Variants in NFIB observed in about 807,000 individuals in gnomAD.
NFIB encodes nuclear factor I B.
Under a neutral mutation model 61.5 loss-of-function variants are expected in NFIB, and 11 were observed. The ratio of observed to expected loss-of-function variants is 0.18; its 90% CI spans 0.11 to 0.30. The LOEUF (loss-of-function observed/expected upper bound fraction) is 0.30, where lower values mean the gene tolerates loss of function less well. Among genes scored for constraint, NFIB ranks in the 10% least tolerant of loss-of-function variants. The pLI, the probability that NFIB is intolerant of heterozygous loss-of-function variation, is 1.00. For synonymous variants in NFIB, 260 were observed against 216.5 expected, an observed-to-expected ratio of 1.20 and a Z score of -1.76; for missense variants, 471 against 608.9, an observed-to-expected ratio of 0.77 and a Z score of 2.38.
At chr9:14,513,406 G>A in the NFIB span, among the ~76,000 whole-genome samples, 1 of 151,932 alleles carries the variant, frequency 6.6e-6, no homozygotes, top group Non-Finnish European at 1.5e-5. Flanking sequence ...GAGGCGGGCA[G>A]ATCACTAGGT....
At chr9:14,194,574 A>G (rs1273707100) in intron 2 of NFIB, among the ~76,000 whole-genome samples, 3 of 152,214 alleles carry the variant, frequency 2.0e-5, no homozygotes, top group Non-Finnish European at 2.9e-5. Flanking sequence ...AAAAGACAAT[A>G]AGAAGAAATA....
chr9:14,261,880 G>T (rs1392513824), intron 2 of NFIB, among the ~76,000 whole-genome samples: 1 of 152,166 alleles, frequency 6.6e-6, no homozygotes, highest in African/African-American at 2.4e-5. Flanking sequence ...TTATTCTTTG[G>T]TGCATCCGAA....
In NFIB at chr9:14,322,051, T is replaced by G; in HGVS notation, c.109-14531A>C. The G allele has an allele frequency of 4.1e-6, 5 of 1,215,154 alleles. No homozygotes were observed. In the East Asian group the frequency reaches 1.3e-4, roughly 32 times the overall value. 75.3% of individuals were successfully genotyped at this position (1,215,154 alleles called of 1,614,324 possible). A position where few individuals can be genotyped will look rare whatever the true frequency, so the allele number is the denominator to read the frequency against. On this transcript the variant is annotated intron_variant, in intron 1 of 8. Transcript: ENST00000380934. Reference sequence around the variant, plus strand: ...ATTTGTGGATTTTCTCAGGGGTTGTTTTGGTGTCGCTTTTTGTGTTTAGTT... The same window carrying G: ...ATTTGTGGATTTTCTCAGGGGTTGTGTTGGTGTCGCTTTTTGTGTTTAGTT...
Position 14,116,230 on chromosome 9 carries a change from T to A in NFIB, c.1362A>T (p.Lys454Asn). 6.5e-7 allele frequency: 1 copy of A among 1,531,304 alleles called. No individual in the cohort carries two copies. The highest frequency in any genetic ancestry group is 1.2e-5 in the South Asian group (1 of 80,872). 94.9% of individuals were successfully genotyped at this position (1,531,304 alleles called of 1,614,324 possible). Residue 454 changes from lysine to asparagine, a missense_variant, in exon 9 of 11, where the codon AAA becomes AAT. By Grantham distance (94) the Lys-to-Asn change is moderately conservative. Coordinates refer to ENST00000380953, the MANE Select transcript of NFIB (RefSeq NM_001190737.2). ...RPVTLSMTDT[K>N]PITTSTEAYT... The stretch of plus-strand genomic sequence containing the variant: ...CACCTTCAGTGGATGTAGTGATGGG[T>A]TTAGTATCTGTCATGCTCAGGGTCA...
chr9:14,322,625 G>A (rs1034910050), intron 1 of NFIB, among the ~76,000 whole-genome samples: 2 of 152,096 alleles, frequency 1.3e-5, no homozygotes, highest in Admixed American at 6.5e-5. Flanking sequence ...CGGGAAGCGC[G>A]GCTCTTCGCT....
the NFIB span, among the ~76,000 whole-genome samples, chr9:14,436,302 T>A: frequency 6.6e-6 from 1 of 152,218 alleles, no homozygotes; most frequent in Non-Finnish European, 1.5e-5. Context: ...TAGGTGAACA[T>A]CACTCAGGAC....
rs1284993425 is a variant in NFIB, at chr9:14,307,281, C to T, written c.270G>A (p.Glu90=). The part of the protein sequence containing the change: ...LRKDIRQEYR[E]DFVLTVTGKK... Reference sequence around the variant, plus strand: ...TGCCAGTCACGGTGAGCACAAAGTCCTCTCGATACTCCTGGCGAATATCTT... The same window carrying T: ...TGCCAGTCACGGTGAGCACAAAGTCTTCTCGATACTCCTGGCGAATATCTT... Residue 90 remains glutamate (E), a synonymous_variant, in exon 2 of 11, where the codon GAG becomes GAA. Coordinates refer to ENST00000380953, the MANE Select transcript of NFIB (RefSeq NM_001190737.2). The surrounding 1 kb of genome is among the most constrained non-coding windows in gnomAD (Gnocchi z 5.3). The T allele has an allele frequency of 3.7e-6, 6 of 1,613,894 alleles. No homozygotes were observed. Among genetic ancestry groups the T allele is most frequent in the African/African-American group, 1.3e-5 (1 of 74,866 alleles).
At chr9:14,239,132 C>T (rs543319444) in intron 2 of NFIB, among the ~76,000 whole-genome samples, 1 of 152,304 alleles carries the variant, frequency 6.6e-6, no homozygotes, top group South Asian at 2.1e-4. Flanking sequence ...GAAATTTGTC[C>T]TAAAGAACAA....
At chr9:14,310,140 C>A (rs891771960) in intron 1 of NFIB, among the ~76,000 whole-genome samples, 21 of 152,246 alleles carry the variant, frequency 1.4e-4, no homozygotes, top group African/African-American at 5.1e-4. Context: ...TTATTTTAAA[C>A]AACCAAAATT....
chr9:14,165,000 TGAA>T (rs2044620605), intron 3 of NFIB, among the ~76,000 whole-genome samples: 3 of 152,092 alleles, frequency 2.0e-5, no homozygotes, highest in Admixed American at 1.3e-4. Flanking sequence ...TTATTAGAAG[TGAA>T]GAAGAATAGG....
At chr9:14,184,706 G>T (rs2131490984) in intron 2 of NFIB, among the ~76,000 whole-genome samples, 1 of 152,156 alleles carries the variant, frequency 6.6e-6, no homozygotes. Flanking sequence ...TTTTTTGTAG[G>T]TCATTAATGT....
intron 2 of NFIB, among the ~76,000 whole-genome samples, chr9:14,272,102 T>C (rs750406591): frequency 1.9e-4 from 29 of 152,146 alleles, no homozygotes; most frequent in Non-Finnish European, 3.7e-4. Context: ...TATCTCGTGA[T>C]CAGTAACATT....
chr9:14,135,978 G>A (rs746830106), intron 6 of NFIB, among the ~76,000 whole-genome samples: 1 of 151,964 alleles, frequency 6.6e-6, no homozygotes, highest in Non-Finnish European at 1.5e-5. Flanking sequence ...GCCCAAGCAC[G>A]GTTAAGTAGC....
chr9:14,095,229 ATTGT>A (rs1465640594), intron 10 of NFIB, among the ~76,000 whole-genome samples: 5 of 152,308 alleles, frequency 3.3e-5, no homozygotes, highest in East Asian at 3.9e-4. Context: ...TTATAAAAAA[ATTGT>A]TTGATCTTTT....
chr9:14,462,490 G>C, the NFIB span, among the ~76,000 whole-genome samples: 8 of 152,022 alleles, frequency 5.3e-5, no homozygotes, highest in African/African-American at 1.4e-4. Context: ...CACTGTGTTA[G>C]CCAGGATGGT....
chr9:14,427,944 T>TTTTTTTTTTTTTG, the NFIB span, among the ~76,000 whole-genome samples: 3 of 83,182 alleles, frequency 3.6e-5, no homozygotes, highest in African/African-American at 5.8e-5. Flanking sequence ...GTTGTTTTTT[T>TTTTTTTTTTTTTG]TTTTTTTTTT....
chr9:14,294,853 G>C (rs2059325601), intron 2 of NFIB, among the ~76,000 whole-genome samples: 1 of 152,196 alleles, frequency 6.6e-6, no homozygotes, highest in African/African-American at 2.4e-5. Context: ...AGGGATTGTG[G>C]ATATGAGCTA....
At chr9:14,426,033 T>C in the NFIB span, among the ~76,000 whole-genome samples, 1 of 152,192 alleles carries the variant, frequency 6.6e-6, no homozygotes. Context: ...CTCTATTCAA[T>C]TACTTTCTTT....
At chr9:14,259,721 T>G (rs1439231133) in intron 2 of NFIB, among the ~76,000 whole-genome samples, 1 of 151,936 alleles carries the variant, frequency 6.6e-6, no homozygotes, top group African/African-American at 2.4e-5. Context: ...GGAAACATGG[T>G]GAAATCCTGT....
Sources: gnomAD v4.1 joint callset for allele counts (sites outside exome capture counted in the v4.1 genomes callset) on GRCh38, gnomAD v4.1.1 for gene constraint, Gnocchi (gnomAD v3.1) non-coding constraint, MANE v1.5 for transcripts, NCBI Gene and HGNC (gene_info 2026-07-23, HGNC 2026-07-21) for gene names.